MYO16: variants seen among roughly 807,000 people sequenced by gnomAD.
The protein encoded by MYO16 is unconventional myosin-XVI.
A neutral mutation model predicts 205.3 loss-of-function variants in MYO16; 94 were observed. The ratio of observed to expected loss-of-function variants is 0.46; its 90% confidence interval spans 0.39 to 0.54. The LOEUF (loss-of-function observed/expected upper bound fraction) is 0.54, where lower values mean the gene tolerates loss of function less well. Among genes scored for constraint, MYO16 ranks in the 20% least tolerant of loss-of-function variants. The pLI is 0.00. For missense variants in MYO16, 2,315 were observed against 2,387.5 expected (o/e 0.97, Z 0.63); for synonymous variants, 988 against 954.0 (o/e 1.04, Z -0.66).
In MYO16 at chr13:108,733,597, T is replaced by C. The variant is rs143820525; in HGVS notation, c.507+6014T>C. The stretch of plus-strand genomic sequence containing the variant: ...TATCATGATTTTCACTGTAATATTA[T>C]CATACATTTATTTTTAAAACACAGC... On this transcript the variant is annotated intron_variant, in intron 4 of 34. Transcript: ENST00000457511. Among the ~76,000 whole-genome samples the C allele has an allele frequency of 4.0e-3, 608 of 152,300 alleles. 6 individuals carry two copies. The highest frequency in any genetic ancestry group is 0.014 in the African/African-American group (585 of 41,568).
the MYO16 span, among the ~76,000 whole-genome samples, chr13:108,590,135 C>A: frequency 1.3e-5 from 2 of 152,106 alleles, no homozygotes; most frequent in Non-Finnish European, 2.9e-5. Context: ...TTATCAAAAT[C>A]CTGTTTTCTA....
At chr13:108,756,897 T>C (rs1885438748) in intron 4 of MYO16, among the ~76,000 whole-genome samples, 1 of 152,196 alleles carries the variant, frequency 6.6e-6, no homozygotes. Flanking sequence ...AGTTTATATA[T>C]GGTACCTATA....
chr13:108,938,870 G>A (rs1882601892), intron 16 of MYO16, among the ~76,000 whole-genome samples: 1 of 148,080 alleles, frequency 6.8e-6, no homozygotes, highest in African/African-American at 2.7e-5. Context: ...CACAATCTCA[G>A]GGGAGTAGGC....
chr13:109,207,858 G>A lies in MYO16; in HGVS notation c.*1022G>A, dbSNP rs1880670580. 1 of 152,192 alleles carries A rather than the reference G, an allele frequency of 6.6e-6. No homozygotes were observed. The highest frequency in any genetic ancestry group is 2.4e-5 in the African/African-American group (1 of 41,422). The allele number at this position is 152,192 out of a possible 1,614,324, so 9.4% of individuals were successfully genotyped here. Reference sequence around the variant, plus strand: ...ATCCTCAACCCTCCCATAATGCAAGGCCTTGTTCATTGATGTGCTTTCGTC... The same window carrying A: ...ATCCTCAACCCTCCCATAATGCAAGACCTTGTTCATTGATGTGCTTTCGTC... On this transcript the variant is annotated 3_prime_UTR_variant, in exon 35 of 35. Coordinates refer to ENST00000457511, the MANE Select transcript of MYO16 (RefSeq NM_001198950.3).
At chr13:109,052,261 T>C in intron 24 of MYO16, 39 bp from the exon 25 acceptor site, 1 of 1,550,668 alleles carries the variant, frequency 6.4e-7, no homozygotes, top group South Asian at 1.1e-5. Flanking sequence ...AAGTAATAAT[T>C]TTAGTGCCAC....
At chr13:108,537,010 G>T in the MYO16 span, among the ~76,000 whole-genome samples, 1 of 152,196 alleles carries the variant, frequency 6.6e-6, no homozygotes, top group East Asian at 1.9e-4. Context: ...CACATGTGCA[G>T]TTTTCTTACA....
rs1875972863 is a variant in MYO16, at chr13:109,121,184, A to T, written c.3535+718A>T. Among the ~76,000 whole-genome samples the T allele has an allele frequency of 2.0e-5, 3 of 152,284 alleles. No homozygotes were observed. The East Asian group carries it at 5.8e-4, about 29-fold the overall frequency. On this transcript the variant is annotated intron_variant, in intron 29 of 34. Coordinates refer to ENST00000457511, the MANE Select transcript of MYO16 (RefSeq NM_001198950.3). ...TGATCAAAATTCTGAACTTCATTCT[A>T]AGTTAAAACATCCTTCTTGGCTGTT... is the stretch of plus-strand genomic sequence containing the variant.
intron 4 of MYO16, among the ~76,000 whole-genome samples, chr13:108,762,153 T>C (rs781240023): frequency 2.0e-5 from 3 of 152,186 alleles, no homozygotes; most frequent in Non-Finnish European, 4.4e-5. Context: ...GTTCCATCCG[T>C]GTTGCCGCAA....
intron 13 of MYO16, among the ~76,000 whole-genome samples, chr13:108,885,946 T>A (rs1263119792): frequency 6.6e-6 from 1 of 152,092 alleles, no homozygotes; most frequent in Non-Finnish European, 1.5e-5. Context: ...ATGGAACTTT[T>A]TATCCAGTAT....
chr13:108,606,930 C>G (rs1480266101), intron 1 of MYO16, among the ~76,000 whole-genome samples: 1 of 152,194 alleles, frequency 6.6e-6, no homozygotes, highest in Non-Finnish European at 1.5e-5. Flanking sequence ...ATAAGCATGA[C>G]CTGCATGTGA....
chr13:108,528,295 A>G, the MYO16 span, among the ~76,000 whole-genome samples: 1 of 152,142 alleles, frequency 6.6e-6, no homozygotes, highest in Non-Finnish European at 1.5e-5. Context: ...GGCAGACCCC[A>G]TTAACAGTTT....
chr13:109,127,176 T>G lies in MYO16; in HGVS notation c.3783-106T>G. On this transcript the variant is annotated intron_variant, in intron 30 of 34. Transcript: ENST00000457511. The surrounding 1 kb of genome is among the most constrained non-coding windows in gnomAD (Gnocchi z 4.2). Reference sequence around the variant, plus strand: ...TCCAGCCACAGCAGGAAGGGCTGCTTGCCAAAAAGCCGTCATTATGTCTGC... The same window carrying G: ...TCCAGCCACAGCAGGAAGGGCTGCTGGCCAAAAAGCCGTCATTATGTCTGC... 7.2e-7 allele frequency: 1 copy of G among 1,389,614 alleles called. No individual in the cohort carries two copies. The highest frequency in any genetic ancestry group is 9.5e-7 in the Non-Finnish European group (1 of 1,052,516). The allele number at this position is 1,389,614 out of a possible 1,614,324, so 86.1% of individuals were successfully genotyped here. A position where few individuals can be genotyped will look rare whatever the true frequency, so the allele number is the denominator to read the frequency against.
chr13:108,955,268 C>T (rs918235223), intron 16 of MYO16, among the ~76,000 whole-genome samples: 1 of 152,164 alleles, frequency 6.6e-6, no homozygotes, highest in African/African-American at 2.4e-5. Context: ...TCATCCATGT[C>T]CCCCTCTTCA....
intron 27 of MYO16, among the ~76,000 whole-genome samples, chr13:109,066,494 A>G (rs1200971294): frequency 6.6e-6 from 1 of 152,204 alleles, no homozygotes; most frequent in African/African-American, 2.4e-5. Context: ...AATGTAAAAG[A>G]TGACAGAGGA....
the MYO16 span, among the ~76,000 whole-genome samples, chr13:108,500,333 G>A: frequency 7.2e-6 from 1 of 139,174 alleles, no homozygotes; most frequent in African/African-American, 2.6e-5. Flanking sequence ...GGGTTCAAGC[G>A]ATTCTCCTGC....
chr13:108,602,995 T>C (rs558533907), intron 1 of MYO16, among the ~76,000 whole-genome samples: 2 of 152,258 alleles, frequency 1.3e-5, no homozygotes, highest in East Asian at 1.9e-4. Context: ...AAGCAGTATG[T>C]GGTTTGGAAG....
At chr13:109,086,519 A>G (rs1888438890) in intron 27 of MYO16, among the ~76,000 whole-genome samples, 3 of 152,186 alleles carry the variant, frequency 2.0e-5, no homozygotes, top group South Asian at 2.1e-4. Flanking sequence ...AATTTTAATC[A>G]TGACTGTTTT....
intron 34 of MYO16, among the ~76,000 whole-genome samples, chr13:109,196,901 C>A (rs1880184795): frequency 6.6e-6 from 1 of 152,192 alleles, no homozygotes; most frequent in African/African-American, 2.4e-5. Flanking sequence ...TTAGCTTATT[C>A]ACCAAACAAT....
chr13:108,949,525 A>T (rs1310688474), intron 16 of MYO16, among the ~76,000 whole-genome samples: 1 of 152,220 alleles, frequency 6.6e-6, no homozygotes, highest in African/African-American at 2.4e-5. Context: ...TGAAAAAAAA[A>T]TACCAATGAA....
Sources: allele counts gnomAD v4.1 joint callset (sites outside exome capture counted in the v4.1 genomes callset), GRCh38; gene constraint gnomAD v4.1.1; non-coding constraint Gnocchi (gnomAD v3.1); transcripts MANE v1.5; gene names NCBI Gene and HGNC (gene_info 2026-07-23, HGNC 2026-07-21).